The following PGM2L1 variants were observed in gnomAD, a reference collection of about 807,000 sequenced individuals.
PGM2L1 encodes the protein glucose 1,6-bisphosphate synthase.
Under a neutral mutation model 73.4 loss-of-function variants are expected in PGM2L1, and 35 were observed. The observed-to-expected ratio is 0.48, with a 90% CI of 0.36 to 0.63. The LOEUF (loss-of-function observed/expected upper bound fraction) is 0.63. Among genes scored for constraint, PGM2L1 ranks in the 30% least tolerant of loss-of-function variants. The pLI is 0.00. For missense variants in PGM2L1, 570 were observed against 742.0 expected, an observed-to-expected ratio of 0.77 and a Z score of 2.69; for synonymous variants, 225 against 253.8, an observed-to-expected ratio of 0.89 and a Z score of 1.08.
intron 1 of PGM2L1, among the ~76,000 whole-genome samples, chr11:74,392,957 T>C (rs1057044944): frequency 6.6e-6 from 1 of 152,218 alleles, no homozygotes; most frequent in African/African-American, 2.4e-5. Context: ...AAAAGTCAGA[T>C]GACCTAGGTT....
chr11:74,344,295 G>A (rs990149480), intron 9 of PGM2L1, among the ~76,000 whole-genome samples: 4 of 151,998 alleles, frequency 2.6e-5, no homozygotes, highest in African/African-American at 7.2e-5. Flanking sequence ...TCAATGAAAG[G>A]TCATGAAGCT....
chr11:74,373,926 T>C (rs78292417), intron 2 of PGM2L1, among the ~76,000 whole-genome samples: 4,830 of 152,162 alleles, frequency 0.032, 257 homozygotes, highest in African/African-American at 0.11. Flanking sequence ...AAATGACTTC[T>C]AAAATCTTGA....
chr11:74,342,354 A>C lies in PGM2L1; in HGVS notation c.1632+107T>G, dbSNP rs1376868504. ...CCTTTATAATAAACTGGTAAACATGAGGAAACTGGATTGAATCTCATGTGA... is the reference window on the plus strand; with the variant it reads ...CCTTTATAATAAACTGGTAAACATGCGGAAACTGGATTGAATCTCATGTGA... On this transcript the variant is annotated intron_variant, in intron 12 of 13. Coordinates refer to ENST00000298198, the MANE Select transcript of PGM2L1 (RefSeq NM_173582.6). 3.4e-6 allele frequency: 3 copies of C among 878,798 alleles called. No individual in the cohort carries two copies. In the African/African-American group the frequency reaches 5.2e-5, roughly 15 times the overall value. 54.4% of individuals were successfully genotyped at this position (878,798 alleles called of 1,614,324 possible).
At chr11:74,367,864 C>T (rs978214258) in intron 5 of PGM2L1, among the ~76,000 whole-genome samples, 4 of 152,196 alleles carry the variant, frequency 2.6e-5, no homozygotes, top group African/African-American at 9.7e-5. Flanking sequence ...CAAAATCTTA[C>T]ATTAGCATTT....
chr11:74,393,696 G>A (rs183030971), intron 1 of PGM2L1, among the ~76,000 whole-genome samples: 3 of 152,166 alleles, frequency 2.0e-5, no homozygotes, highest in East Asian at 1.9e-4. Context: ...TTAAAATGCC[G>A]TGGCCAATTC....
rs1305449964 is a variant in PGM2L1, at chr11:74,335,898, G to A, written c.*754C>T. 2 of 152,608 alleles carry A rather than the reference G, an allele frequency of 1.3e-5. No homozygotes were observed. The highest frequency in any genetic ancestry group is 2.9e-5 in the Non-Finnish European group (2 of 68,022). 9.5% of individuals were successfully genotyped at this position (152,608 alleles called of 1,614,324 possible). A position where few individuals can be genotyped will look rare whatever the true frequency, so the allele number is the denominator to read the frequency against. ...TCTGCAAATTGACTGATTAAATTAT[G>A]GTAAATGCAGGAACACTGTTTTTTC... On this transcript the variant is annotated 3_prime_UTR_variant, in exon 14 of 14. Coordinates refer to ENST00000298198, the MANE Select transcript of PGM2L1 (RefSeq NM_173582.6).
In PGM2L1 at chr11:74,371,782, G is replaced by A; in HGVS notation, c.315C>T (p.Asp105=). Residue 105 remains aspartate, a synonymous_variant, in exon 3 of 14, where the codon GAC becomes GAT. Transcript: ENST00000298198. ...MYKYLERCFS[D]FKQRGFVVGY... is the part of the protein sequence containing the mutation. ...CAACCACAAAGCCTCTCTGCTTGAA[G>A]TCTGAGAAACATCTCTCAAGGTATT... 6.2e-7 allele frequency: 1 copy of A among 1,613,882 alleles called. No homozygotes were observed. The highest frequency in any genetic ancestry group is 8.5e-7 in the Non-Finnish European group (1 of 1,179,836).
Position 74,338,572 on chromosome 11 carries a change from C to A in PGM2L1, c.1662G>T (p.Met554Ile). The A allele has an allele frequency of 6.2e-7, 1 of 1,604,930 alleles. No homozygotes were observed. Among genetic ancestry groups the A allele is most frequent in the Non-Finnish European group, 8.5e-7 (1 of 1,173,044 alleles). ...SVLPVSKNSQ[M>I]ITFTFQNGCV... ...AGCCATTTTGAAAAGTAAATGTAATCATTTGGCTGTTTTTACTCACAGGCA... is the reference window on the plus strand; with the variant it reads ...AGCCATTTTGAAAAGTAAATGTAATAATTTGGCTGTTTTTACTCACAGGCA... The change falls in exon 13 of 14, where the codon ATG (methionine) becomes ATT (isoleucine). Residue 554 changes from methionine (M) to isoleucine (I), a missense_variant. Physicochemically the swap from Met to Ile is conservative, Grantham distance 10. Transcript: ENST00000298198.
In PGM2L1 at chr11:74,342,852, C is replaced by G. The variant is rs758088494; in HGVS notation, c.1442+33G>C. On this transcript the variant is annotated intron_variant, in intron 11 of 13. Transcript: ENST00000298198. ...AAGGGTAGGACAATAAAAGAAAAATCTAGCATGTGAAATTCATAATAGTAG... is the reference window on the plus strand; with the variant it reads ...AAGGGTAGGACAATAAAAGAAAAATGTAGCATGTGAAATTCATAATAGTAG... The G allele has an allele frequency of 4.5e-6, 7 of 1,544,762 alleles. No homozygotes were observed. In the East Asian group the frequency reaches 1.1e-4, roughly 25 times the overall value.
chr11:74,388,118 T>TA (rs34367296), intron 1 of PGM2L1, among the ~76,000 whole-genome samples: 1 of 152,154 alleles, frequency 6.6e-6, no homozygotes, highest in African/African-American at 2.4e-5. Flanking sequence ...TTCATAGAAT[T>TA]AAAGAGTGGA....
intron 1 of PGM2L1, among the ~76,000 whole-genome samples, chr11:74,385,660 G>A (rs998007894): frequency 6.6e-6 from 1 of 151,554 alleles, no homozygotes; most frequent in Non-Finnish European, 1.5e-5. Flanking sequence ...TTAATTTAAC[G>A]TATACTCAGA....
intron 13 of PGM2L1, 93 bp downstream of exon 13, chr11:74,338,375 G>A (rs1179002004): frequency 8.3e-7 from 1 of 1,204,146 alleles, no homozygotes; most frequent in Non-Finnish European, 1.1e-6. Context: ...AAAAGCCACT[G>A]AATTGTACAT....
rs562672367 is a variant in PGM2L1, at chr11:74,353,347, T to TA, written c.556-1772dup. On this transcript the variant is annotated intron_variant, in intron 5 of 13. Transcript: ENST00000298198. The stretch of plus-strand genomic sequence containing the variant: ...AATTTAAATGTAAATTTTTTTTTTT[T>TA]AAGTATTTATTGATCATTCTTGGGT... Among the ~76,000 whole-genome samples the TA allele has an allele frequency of 2.2e-3, 336 of 152,164 alleles. 3 individuals are homozygous for TA. Among genetic ancestry groups the TA allele is most frequent in the African/African-American group, 7.7e-3 (319 of 41,470 alleles).
rs372831099 is a variant in PGM2L1 at position 74,371,691 on chromosome 11, T to C, written c.386+20A>G. On this transcript the variant is annotated intron_variant, in intron 3 of 13. Transcript: ENST00000298198. ...TTTTATTCTATTTCAACTTAATCTT[T>C]GAAACAATTAACTTTGTACCTCTGG... 3 of 1,591,654 alleles carry C rather than the reference T, an allele frequency of 1.9e-6. No individual in the cohort carries two copies. The highest frequency in any genetic ancestry group is 1.3e-5 in the African/African-American group (1 of 74,422).
At chr11:74,364,979 A>G (rs1862632259) in intron 5 of PGM2L1, among the ~76,000 whole-genome samples, 1 of 152,300 alleles carries the variant, frequency 6.6e-6, no homozygotes, top group Middle Eastern at 3.4e-3. Context: ...ACAAGGCTAC[A>G]GTAACCAAAA....
chr11:74,357,434 A>G (rs1482024110), intron 5 of PGM2L1, among the ~76,000 whole-genome samples: 1 of 152,246 alleles, frequency 6.6e-6, no homozygotes, highest in Admixed American at 6.5e-5. Context: ...GATGCTTCAC[A>G]TCATATGTCA....
chr11:74,350,695 C>T (rs769771984), intron 6 of PGM2L1, among the ~76,000 whole-genome samples: 1 of 151,944 alleles, frequency 6.6e-6, no homozygotes, highest in Non-Finnish European at 1.5e-5. Context: ...TGGCCAACAT[C>T]ATGAAACCTT....
intron 8 of PGM2L1, 79 bp downstream of exon 8, chr11:74,346,653 T>G (rs1345356665): frequency 9.2e-7 from 1 of 1,090,480 alleles, no homozygotes; most frequent in Non-Finnish European, 1.4e-6. Flanking sequence ...CTTTTCATTA[T>G]TTTCAATGAG....
At chr11:74,345,676 C>G (rs1471911304) in intron 8 of PGM2L1, 27 bp from the exon 9 acceptor site, 1 of 1,596,226 alleles carries the variant, frequency 6.3e-7, no homozygotes, top group East Asian at 2.2e-5. Flanking sequence ...AATACAATGT[C>G]AAGACCTTTC....
Sources: allele counts gnomAD v4.1 joint callset (sites outside exome capture counted in the v4.1 genomes callset), GRCh38; gene constraint gnomAD v4.1.1; transcripts MANE v1.5; gene names NCBI Gene and HGNC (gene_info 2026-07-23, HGNC 2026-07-21).